The following ARMH1 variants were observed in gnomAD, a reference collection of about 807,000 sequenced individuals.
ARMH1 encodes the protein armadillo-like helical domain containing protein 1.
In ARMH1, 34 loss-of-function variants were observed where a neutral mutation model predicts 50.2. That is an observed-to-expected ratio of 0.68 (90% CI 0.51 to 0.90). The LOEUF (loss-of-function observed/expected upper bound fraction) is 0.90, where lower values mean the gene tolerates loss of function less well. Among genes scored for constraint, ARMH1 ranks in the 40% least tolerant of loss-of-function variants. The probability of loss-of-function intolerance (pLI) is 0.00; values close to 1 mark genes in which losing one functional copy is unlikely to be tolerated. For synonymous variants in ARMH1, 221 were observed against 224.2 expected, an observed-to-expected ratio of 0.99 and a Z score of 0.13; for missense variants, 538 against 553.9, an observed-to-expected ratio of 0.97 and a Z score of 0.29.
In ARMH1 at chr1:44,724,427, A is replaced by G; in HGVS notation, c.920+35A>G. Reference sequence around the variant, plus strand: ...CAGGGGTTAGTGGGTAGCTGCAGCAAGCCTGGCTTGGCGCTGCCGGCGGGC... The same window carrying G: ...CAGGGGTTAGTGGGTAGCTGCAGCAGGCCTGGCTTGGCGCTGCCGGCGGGC... On this transcript the variant is annotated intron_variant, in intron 8 of 11. Coordinates refer to ENST00000535358, the MANE Select transcript of ARMH1 (RefSeq NM_001145636.2). This position sits in a 1 kb window ranked among gnomAD's most constrained non-coding sequence, Gnocchi z 6.4. 1.3e-6 allele frequency: 2 copies of G among 1,543,682 alleles called. No homozygotes were observed. Among genetic ancestry groups the G allele is most frequent in the Non-Finnish European group, 1.7e-6 (2 of 1,144,936 alleles).
chr1:44,685,312 C>CT (rs749006485), intron 1 of ARMH1, among the ~76,000 whole-genome samples: 4,634 of 143,724 alleles, frequency 0.032, 247 homozygotes, highest in African/African-American at 0.11. Context: ...CTGAGGGAAG[C>CT]TTTTTTTTTT....
chr1:44,687,351 A>G (rs988416689), intron 1 of ARMH1, among the ~76,000 whole-genome samples: 1 of 152,216 alleles, frequency 6.6e-6, no homozygotes, highest in African/African-American at 2.4e-5. Context: ...TAAAGACTGT[A>G]TCTGCATTTA....
intron 4 of ARMH1, 115 bp downstream of exon 4, chr1:44,698,344 T>C: frequency 1.1e-6 from 1 of 910,176 alleles, no homozygotes; most frequent in Non-Finnish European, 1.6e-6. Context: ...AGGAAGCTTT[T>C]TGTGCTCCTG....
At chr1:44,684,287 C>G (rs1319319538) in intron 1 of ARMH1, 2 of 152,088 alleles carry the variant, frequency 1.3e-5, no homozygotes, top group Non-Finnish European at 2.9e-5. Flanking sequence ...TTACCCTCAT[C>G]AAGCTTACTA....
At chr1:44,679,260 A>T (rs114393016) in intron 1 of ARMH1, among the ~76,000 whole-genome samples, 1 of 152,240 alleles carries the variant, frequency 6.6e-6, no homozygotes, top group Admixed American at 6.5e-5. Flanking sequence ...GCATGATGGC[A>T]TACATATATT....
chr1:44,713,218 C>T (rs1646697812), intron 6 of ARMH1, among the ~76,000 whole-genome samples: 1 of 151,598 alleles, frequency 6.6e-6, no homozygotes, highest in African/African-American at 2.4e-5. Flanking sequence ...CGTGCCTCAG[C>T]CTCCCGAGTA....
chr1:44,723,908 TG>T, intron 6 of ARMH1: 1 of 548,202 alleles, frequency 1.8e-6, no homozygotes, highest in Non-Finnish European at 3.1e-6. Context: ...CCTCGACAGG[TG>T]GGCTCACCAT....
chr1:44,678,889 ACCTTTGGCTT>A (rs1645220020), intron 1 of ARMH1, among the ~76,000 whole-genome samples: 1 of 152,178 alleles, frequency 6.6e-6, no homozygotes, highest in African/African-American at 2.4e-5. Flanking sequence ...GTTGCCAAGG[ACCTTTGGCTT>A]AGCATGAGAG....
Position 44,698,071 on chromosome 1 carries a change from AC to A in ARMH1, c.286del (p.Ile97Ter). 2 of 1,549,918 alleles carry A rather than the reference AC, an allele frequency of 1.3e-6. No homozygotes were observed. Among genetic ancestry groups the A allele is most frequent in the Non-Finnish European group, 1.7e-6 (2 of 1,145,594 alleles). On this transcript the variant is annotated frameshift_variant, in exon 4 of 12. Transcript: ENST00000535358. LOFTEE classifies it high-confidence loss of function. ...TCTATCCCTCTGGACAGTAATCGGT[AC>A]CTTATAGAATTTCTTGAGGTTGGAG... ...IFLSAVSSNR[Y>X]LIEFLEVGGV...
Position 44,706,568 on chromosome 1 carries a change from A to C in ARMH1, c.724+2395A>C, listed in dbSNP as rs563403931. 2.6e-5 allele frequency among the ~76,000 whole-genome samples: 4 copies of C among 152,318 alleles called. No individual in the cohort carries two copies. In the South Asian group the frequency reaches 6.2e-4, roughly 24 times the overall value. ...GAAGATCAACAAAGCTCTGGAGGCC[A>C]CTTCCAACCTAGGTTATTTTTGAGC... On this transcript the variant is annotated intron_variant, in intron 6 of 11. Transcript: ENST00000535358.
In ARMH1 at chr1:44,724,771, C is replaced by G. The variant is rs986351437; in HGVS notation, c.1060C>G (p.Gln354Glu). The change falls in exon 10 of 12, where the codon CAG becomes GAG. Residue 354 changes from glutamine to glutamate, a missense_variant. By Grantham distance (29) the Gln-to-Glu change is conservative. Coordinates refer to ENST00000535358, the MANE Select transcript of ARMH1 (RefSeq NM_001145636.2). The surrounding 1 kb of genome is among the most constrained non-coding windows in gnomAD (Gnocchi z 6.4). ...CGCCCGCGCGGCGCAGTGCTTCGTG[C>G]AGATGTTCCCCTTGGTGGCGGAGCA... ...LASLTLECFV[Q>E]MFPLVAEHVR... is the part of the protein sequence containing the mutation. 17 of 1,543,762 alleles carry G rather than the reference C, an allele frequency of 1.1e-5. No individual in the cohort carries two copies. In the Admixed American group the frequency reaches 3.3e-4, roughly 30 times the overall value.
intron 2 of ARMH1, among the ~76,000 whole-genome samples, chr1:44,696,635 A>G (rs1263997756): frequency 1.3e-5 from 2 of 152,216 alleles, no homozygotes; most frequent in African/African-American, 4.8e-5. Context: ...CTTCATAAGG[A>G]TAGTGACCTC....
At chr1:44,702,565 A>C (rs892682959) in intron 5 of ARMH1, among the ~76,000 whole-genome samples, 31 of 152,044 alleles carry the variant, frequency 2.0e-4, no homozygotes, top group African/African-American at 7.5e-4. Flanking sequence ...TACAAAAATT[A>C]GCTGGGCGTG....
intron 6 of ARMH1, among the ~76,000 whole-genome samples, chr1:44,723,074 CA>C (rs35266270): frequency 1.9e-3 from 248 of 130,598 alleles, no homozygotes; most frequent in Non-Finnish European, 2.0e-3. Flanking sequence ...GGCTCTGTCT[CA>C]AAAAAAAAAA....
chr1:44,710,616 A>G (rs1646571349), intron 6 of ARMH1, among the ~76,000 whole-genome samples: 1 of 151,750 alleles, frequency 6.6e-6, no homozygotes, highest in Non-Finnish European at 1.5e-5. Flanking sequence ...CTCAAAAAAA[A>G]AAAAAAAAAA....
rs780809493 is a variant in ARMH1, at chr1:44,698,138, C to T, written c.351C>T (p.Ile117=). 3 of 1,552,146 alleles carry T rather than the reference C, an allele frequency of 1.9e-6. No individual in the cohort carries two copies. The highest frequency in any genetic ancestry group is 2.7e-5 in the African/African-American group (2 of 73,012). Residue 117 remains isoleucine, a synonymous_variant, in exon 4 of 12, where the codon ATC becomes ATT. Transcript: ENST00000535358. ...TGGAAATACTTGGGCTAGAGAAGAT[C>T]AAGGAGGAGGCCAAGAAGGAATCTG... ...TLLEILGLEK[I]KEEAKKESVK... is the part of the protein sequence containing the mutation.
In ARMH1 at chr1:44,719,025, GA is replaced by G. The variant is rs35822364; in HGVS notation, c.725-5075del. On this transcript the variant is annotated intron_variant, in intron 6 of 11. Transcript: ENST00000535358. ...GGGCAACAAGAGTGAAACTGTCTCG[GA>G]AAAAAAAAAAAAAAAAAAAAAGGCA... Among the ~76,000 whole-genome samples, 586 of 78,614 alleles carry G rather than the reference GA, an allele frequency of 7.5e-3. 2 individuals are homozygous for G. The highest frequency in any genetic ancestry group is 0.021 in the African/African-American group (416 of 20,042). 51.6% of individuals were successfully genotyped at this position (78,614 alleles called of 152,430 possible).
intron 1 of ARMH1, among the ~76,000 whole-genome samples, chr1:44,688,882 C>A (rs769079619): frequency 6.6e-6 from 1 of 152,034 alleles, no homozygotes; most frequent in Non-Finnish European, 1.5e-5. Context: ...TTCCCACTAA[C>A]TTTTTTTTAA....
intron 1 of ARMH1, among the ~76,000 whole-genome samples, chr1:44,686,485 G>A (rs1408609396): frequency 6.6e-6 from 1 of 151,958 alleles, no homozygotes; most frequent in Non-Finnish European, 1.5e-5. Context: ...AGACAAGCCT[G>A]GCCAGCACAG....
Sources: allele counts gnomAD v4.1 joint callset (sites outside exome capture counted in the v4.1 genomes callset), GRCh38; gene constraint gnomAD v4.1.1; non-coding constraint Gnocchi (gnomAD v3.1); transcripts MANE v1.5; gene names NCBI Gene and HGNC (gene_info 2026-07-23, HGNC 2026-07-21).